ZMIZ1: variants seen among roughly 807,000 people sequenced by gnomAD.
ZMIZ1 encodes zinc finger MIZ domain-containing protein 1.
Under a neutral mutation model 113.9 loss-of-function variants are expected in ZMIZ1, and 17 were observed. The ratio of observed to expected loss-of-function variants is 0.15; its 90% CI spans 0.10 to 0.22. The LOEUF is 0.22. ZMIZ1 is among the 10% of genes least tolerant of loss of function. The probability of loss-of-function intolerance (pLI) is 1.00; values close to 1 mark genes in which losing one functional copy is unlikely to be tolerated. For synonymous variants in ZMIZ1, 607 were observed against 603.1 expected (o/e 1.01, Z -0.09); for missense variants, 1,059 against 1,477.8 (o/e 0.72, Z 4.65).
chr10:79,212,421 T>C (rs754591870), intron 6 of ZMIZ1, among the ~76,000 whole-genome samples: 3 of 152,088 alleles, frequency 2.0e-5, no homozygotes, highest in Non-Finnish European at 2.9e-5. Context: ...TCCTCCCACC[T>C]CAGCCTCCTA....
chr10:79,204,209 A>G lies in ZMIZ1; in HGVS notation c.60+2517A>G, dbSNP rs779892848. ...CTGGTAGGGGCTCACCTCTCCACAC[A>G]GCCTTCCCTTCCTGCCCTCACCTTG... On this transcript the variant is annotated intron_variant, in intron 5 of 24. Coordinates refer to ENST00000334512, the MANE Select transcript of ZMIZ1 (RefSeq NM_020338.4). Among the ~76,000 whole-genome samples the G allele has an allele frequency of 1.6e-4, 25 of 152,130 alleles. 1 individual carries two copies. Among genetic ancestry groups the G allele is most frequent in the Middle Eastern group, 3.2e-3 (1 of 316 alleles).
intron 6 of ZMIZ1, among the ~76,000 whole-genome samples, chr10:79,213,816 T>G (rs1848616670): frequency 6.6e-6 from 1 of 152,214 alleles, no homozygotes; most frequent in South Asian, 2.1e-4. Context: ...TTTGAGGTGT[T>G]GTTCAACCTC....
At chr10:79,091,267 A>G (rs528973269) in intron 1 of ZMIZ1, among the ~76,000 whole-genome samples, 36 of 152,052 alleles carry the variant, frequency 2.4e-4, no homozygotes, top group African/African-American at 8.2e-4. Context: ...ATAAGTAGGT[A>G]TATGTATTTA....
chr10:79,123,926 C>G (rs1460328608), intron 2 of ZMIZ1, among the ~76,000 whole-genome samples: 2 of 152,250 alleles, frequency 1.3e-5, no homozygotes, highest in South Asian at 4.1e-4. Context: ...TGTCAATCTT[C>G]AGCGCCAGCT....
chr10:79,292,366 C>T lies in ZMIZ1; in HGVS notation c.957+10C>T. 6.3e-7 allele frequency: 1 copy of T among 1,596,412 alleles called. No homozygotes were observed. The highest frequency in any genetic ancestry group is 8.6e-7 in the Non-Finnish European group (1 of 1,166,400). On this transcript the variant is annotated intron_variant, in intron 11 of 24. Transcript: ENST00000334512. ...AAACCAGTATGGACCGGTAAGGGTT[C>T]CCACTAATCCTGGTCCAGCCTTGCC...
intron 7 of ZMIZ1, among the ~76,000 whole-genome samples, chr10:79,258,138 T>C (rs537260063): frequency 2.6e-5 from 4 of 152,172 alleles, no homozygotes; most frequent in Non-Finnish European, 4.4e-5. Flanking sequence ...TCCCAGCACT[T>C]TGGGAGGCTG....
intron 4 of ZMIZ1, among the ~76,000 whole-genome samples, chr10:79,182,991 A>C (rs571907944): frequency 2.7e-4 from 41 of 152,280 alleles, no homozygotes; most frequent in Admixed American, 1.4e-3. Flanking sequence ...AGGGTCCTGG[A>C]ACTGTACTTG....
intron 18 of ZMIZ1, 90 bp from the exon 19 acceptor site, chr10:79,303,925 C>T (rs968714610): frequency 6.5e-7 from 1 of 1,538,488 alleles, no homozygotes; most frequent in Non-Finnish European, 8.8e-7. Flanking sequence ...CATGCCCCAG[C>T]TGCACGAGGA....
At chr10:79,087,106 C>G (rs968243153) in intron 1 of ZMIZ1, among the ~76,000 whole-genome samples, 1 of 152,264 alleles carries the variant, frequency 6.6e-6, no homozygotes, top group African/African-American at 2.4e-5. Flanking sequence ...GCCTCTAACC[C>G]TCCACCTTCC....
intron 2 of ZMIZ1, among the ~76,000 whole-genome samples, chr10:79,121,469 G>A (rs1236139074): frequency 6.6e-6 from 1 of 152,220 alleles, no homozygotes; most frequent in Non-Finnish European, 1.5e-5. Context: ...CAAATAGAAA[G>A]ATAGGCTATT....
intron 1 of ZMIZ1, among the ~76,000 whole-genome samples, chr10:79,071,231 AAC>A (rs1312037533): frequency 2.0e-5 from 3 of 152,194 alleles, no homozygotes. Context: ...TTTCTTGAGC[AAC>A]AGTTTGTCTC....
chr10:79,269,478 C>CACAT (rs1851809645), intron 7 of ZMIZ1, among the ~76,000 whole-genome samples: 1 of 151,478 alleles, frequency 6.6e-6, no homozygotes, highest in Non-Finnish European at 1.5e-5. Context: ...CACACACACA[C>CACAT]ACACACACAC....
chr10:79,162,020 G>C (rs1846131564), intron 3 of ZMIZ1, 33 bp from the exon 4 acceptor site: 1 of 399,004 alleles, frequency 2.5e-6, no homozygotes, highest in African/African-American at 2.1e-5. Flanking sequence ...CTCTACTGTG[G>C]GTAGACCCGC....
rs374592106 is a variant in ZMIZ1, at chr10:79,177,070, G to A, written c.-50+14937G>A. On this transcript the variant is annotated intron_variant, in intron 4 of 24. Coordinates refer to ENST00000334512, the MANE Select transcript of ZMIZ1 (RefSeq NM_020338.4). ...CTGTCTCGGTTCCCAGCTGCAGCAG[G>A]GCCTGGGCTTGCTCTCCCCAGACAG... Among the ~76,000 whole-genome samples, 479 of 152,354 alleles carry A rather than the reference G, an allele frequency of 3.1e-3. 2 individuals carry two copies. Among genetic ancestry groups the A allele is most frequent in the African/African-American group, 0.011 (461 of 41,590 alleles).
chr10:79,096,511 CAAAAG>C (rs373538522), intron 1 of ZMIZ1, among the ~76,000 whole-genome samples: 139 of 150,152 alleles, frequency 9.3e-4, no homozygotes, highest in South Asian at 3.6e-3. Flanking sequence ...GACTCCGTCT[CAAAAG>C]AAAAGAAAAG....
intron 1 of ZMIZ1, among the ~76,000 whole-genome samples, chr10:79,088,739 C>G (rs1842893880): frequency 6.6e-6 from 1 of 152,200 alleles, no homozygotes; most frequent in African/African-American, 2.4e-5. Flanking sequence ...GGGCTGTGAG[C>G]AGGTGCGTTT....
chr10:79,253,937 C>T (rs1419239754), intron 7 of ZMIZ1, among the ~76,000 whole-genome samples: 3 of 152,218 alleles, frequency 2.0e-5, no homozygotes, highest in Non-Finnish European at 2.9e-5. Context: ...CACACTCACT[C>T]ATAGGCACCC....
chr10:79,292,504 G>A (rs1267694054), intron 11 of ZMIZ1, 148 bp downstream of exon 11: 14 of 1,073,692 alleles, frequency 1.3e-5, no homozygotes, highest in Middle Eastern at 5.8e-4. Flanking sequence ...TTTCATGGAA[G>A]CATGTGGAGG....
intron 5 of ZMIZ1, among the ~76,000 whole-genome samples, chr10:79,202,189 G>GAAAAAAAA (rs58021590): frequency 3.0e-3 from 156 of 52,488 alleles, no homozygotes; most frequent in Middle Eastern, 0.014. Context: ...CCCTGTCTCA[G>GAAAAAAAA]AAAAAAAAAA....
Sources: allele counts gnomAD v4.1 joint callset (sites outside exome capture counted in the v4.1 genomes callset), GRCh38; gene constraint gnomAD v4.1.1; transcripts MANE v1.5; gene names NCBI Gene and HGNC (gene_info 2026-07-23, HGNC 2026-07-21).